CYP19A1: variants seen among roughly 807,000 people sequenced by gnomAD.
The protein encoded by CYP19A1 is cytochrome P450 family 19 subfamily A member 1.
In CYP19A1, 32 loss-of-function variants were observed where a neutral mutation model predicts 44.4. The observed-to-expected ratio is 0.72, with a 90% CI of 0.54 to 0.97. CYP19A1 has a LOEUF of 0.97. Among genes scored for constraint, CYP19A1 ranks in the 50% least tolerant of loss-of-function variants. The pLI, the probability that CYP19A1 is intolerant of heterozygous loss-of-function variation, is 0.00. For synonymous variants in CYP19A1, 212 were observed against 215.6 expected (o/e 0.98, Z 0.14); for missense variants, 598 against 637.8 (o/e 0.94, Z 0.67).
At chr15:51,220,839 G>T (rs2032006757) in intron 5 of CYP19A1, among the ~76,000 whole-genome samples, 1 of 151,918 alleles carries the variant, frequency 6.6e-6, no homozygotes, top group Non-Finnish European at 1.5e-5. Flanking sequence ...TCTTCTATCT[G>T]CCTGTATTTT....
At chr15:51,267,364 G>A (rs2034959705) in intron 1 of CYP19A1, among the ~76,000 whole-genome samples, 1 of 152,154 alleles carries the variant, frequency 6.6e-6, no homozygotes, top group Admixed American at 6.5e-5. Flanking sequence ...GCAGGAAAAA[G>A]CCTTTCCCTT....
chr15:51,333,632 T>G (rs768100047), intron 1 of CYP19A1, among the ~76,000 whole-genome samples: 37 of 152,216 alleles, frequency 2.4e-4, no homozygotes, highest in Non-Finnish European at 4.7e-4. Context: ...TTGGCCCTGG[T>G]GGAGGTCAGA....
chr15:51,221,955 G>A (rs2141060551), intron 5 of CYP19A1: 1 of 272,652 alleles, frequency 3.7e-6, no homozygotes. Flanking sequence ...GTGTATATAT[G>A]TGTGGGTATG....
At chr15:51,212,679 T>C in intron 8 of CYP19A1, 118 bp from the exon 9 acceptor site, 1 of 720,042 alleles carries the variant, frequency 1.4e-6, no homozygotes, top group Non-Finnish European at 2.5e-6. Context: ...AAATTGTGGC[T>C]CTAATTCTAA....
rs183575304 is a variant in CYP19A1 at position 51,208,899 on chromosome 15, A to C, written c.*1909T>G. The C allele has an allele frequency of 6.6e-6, 1 of 152,200 alleles. No homozygotes were observed. Among genetic ancestry groups the C allele is most frequent in the East Asian group, 1.9e-4 (1 of 5,176 alleles). The allele number at this position is 152,200 out of a possible 1,614,324, so 9.4% of individuals were successfully genotyped here. On this transcript the variant is annotated 3_prime_UTR_variant, in exon 10 of 10. Coordinates refer to ENST00000396402, the MANE Select transcript of CYP19A1 (RefSeq NM_000103.4). ...GGCTTCATATATACAGATAAAATACACATAAATGTCCCAAGAGTATTGGAT... is the reference window on the plus strand; with the variant it reads ...GGCTTCATATATACAGATAAAATACCCATAAATGTCCCAAGAGTATTGGAT...
Position 51,293,897 on chromosome 15 carries a change from C to T in CYP19A1, c.-39+44598G>A, listed in dbSNP as rs184405020. The T allele has an allele frequency of 6.0e-3, 1,273 of 211,366 alleles. 16 individuals are homozygous for T. Among genetic ancestry groups the T allele is most frequent in the African/African-American group, 0.029 (1,206 of 42,144 alleles). The allele number at this position is 211,366 out of a possible 1,614,324, so 13.1% of individuals were successfully genotyped here. On this transcript the variant is annotated intron_variant, in intron 1 of 9. Transcript: ENST00000396402. ...AGGCTGGGGTGCAGTGGCGTAATCT[C>T]GGCTGGCTACAACCTCCACCTCCCA...
At chr15:51,280,926 G>A (rs116964788) in intron 1 of CYP19A1, among the ~76,000 whole-genome samples, 3,945 of 152,234 alleles carry the variant, frequency 0.026, 149 homozygotes, top group Admixed American at 0.12. Context: ...TCTCAGGAAT[G>A]GGAAGACAGC....
chr15:51,309,495 A>G (rs189325104), intron 1 of CYP19A1, among the ~76,000 whole-genome samples: 2 of 152,310 alleles, frequency 1.3e-5, no homozygotes, highest in Admixed American at 6.5e-5. Context: ...TAAAAGTGCT[A>G]TCTGAACACT....
Position 51,212,189 on chromosome 15 carries a change from T to C in CYP19A1, c.1263+131A>G. ...GCTCCAAGCTAGGGGACGTGTGTGC[T>C]CCTGGTGAGGTGGCAGAGGGAATGA... is the stretch of plus-strand genomic sequence containing the variant. On this transcript the variant is annotated intron_variant, in intron 9 of 9. Transcript: ENST00000396402. 3 of 781,640 alleles carry C rather than the reference T, an allele frequency of 3.8e-6. No homozygotes were observed. In the Admixed American group the frequency reaches 5.2e-5, roughly 13 times the overall value. The allele number at this position is 781,640 out of a possible 1,614,324, so 48.4% of individuals were successfully genotyped here. A position where few individuals can be genotyped will look rare whatever the true frequency, so the allele number is the denominator to read the frequency against.
rs780643255 is a variant in CYP19A1, at chr15:51,211,069, TCAGA to T, written c.1264-17_1264-14del. 1.2e-5 allele frequency: 18 copies of T among 1,557,644 alleles called. No homozygotes were observed. The highest frequency in any genetic ancestry group is 1.6e-5 in the Non-Finnish European group (18 of 1,128,816). Reference sequence around the variant, plus strand: ...ACCTATAAGGAACCTATGAAAATGATCAGACAGTTAGCCAGAATATTAAAGGCTA... The same window carrying T: ...ACCTATAAGGAACCTATGAAAATGATCAGTTAGCCAGAATATTAAAGGCTA... On this transcript the variant is annotated splice_polypyrimidine_tract_variant and intron_variant, in intron 9 of 9. Transcript: ENST00000396402.
intron 1 of CYP19A1, among the ~76,000 whole-genome samples, chr15:51,314,433 T>C (rs1306682751): frequency 6.6e-6 from 1 of 152,148 alleles, no homozygotes; most frequent in African/African-American, 2.4e-5. Flanking sequence ...GGTTCCTACA[T>C]AGGTGGCCCG....
intron 1 of CYP19A1, among the ~76,000 whole-genome samples, chr15:51,301,782 A>C (rs909590101): frequency 3.3e-5 from 5 of 152,242 alleles, no homozygotes; most frequent in Non-Finnish European, 7.3e-5. Flanking sequence ...AATCCTCGGA[A>C]AATACTGGTT....
chr15:51,325,237 T>G (rs1438362437), intron 1 of CYP19A1, among the ~76,000 whole-genome samples: 1 of 152,034 alleles, frequency 6.6e-6, no homozygotes, highest in Non-Finnish European at 1.5e-5. Flanking sequence ...TGCTACAGGG[T>G]GAAGCCCTTA....
At chr15:51,249,478 A>G (rs1472163729) in intron 1 of CYP19A1, among the ~76,000 whole-genome samples, 1 of 152,144 alleles carries the variant, frequency 6.6e-6, no homozygotes, top group Non-Finnish European at 1.5e-5. Flanking sequence ...TTGGACTACT[A>G]CTGCTTTTGA....
chr15:51,296,197 C>T (rs1378998975), intron 1 of CYP19A1, among the ~76,000 whole-genome samples: 4 of 151,852 alleles, frequency 2.6e-5, no homozygotes, highest in African/African-American at 7.3e-5. Context: ...GGGACAGACA[C>T]GGGAGTTTCA....
chr15:51,249,049 C>T (rs964507789), intron 1 of CYP19A1, among the ~76,000 whole-genome samples: 1 of 151,958 alleles, frequency 6.6e-6, no homozygotes, highest in Admixed American at 6.6e-5. Flanking sequence ...AAACGATTCT[C>T]CTGCCTCGGC....
intron 1 of CYP19A1, among the ~76,000 whole-genome samples, chr15:51,303,948 A>T (rs1037376869): frequency 6.6e-6 from 1 of 152,222 alleles, no homozygotes; most frequent in Non-Finnish European, 1.5e-5. Context: ...AGGATGCAGC[A>T]GGGTGTTCAA....
chr15:51,227,046 A>C (rs1019213419), intron 4 of CYP19A1, among the ~76,000 whole-genome samples: 5 of 152,182 alleles, frequency 3.3e-5, no homozygotes, highest in Admixed American at 6.5e-5. Flanking sequence ...TAAATCAAAC[A>C]TATGGGTGAC....
At chr15:51,265,598 T>C (rs1395339001) in intron 1 of CYP19A1, among the ~76,000 whole-genome samples, 2 of 152,164 alleles carry the variant, frequency 1.3e-5, no homozygotes, top group Non-Finnish European at 2.9e-5. Flanking sequence ...ATTCACCCAC[T>C]CGACCTGCTC....
Sources: gnomAD v4.1 joint callset for allele counts (sites outside exome capture counted in the v4.1 genomes callset) on GRCh38, gnomAD v4.1.1 for gene constraint, MANE v1.5 for transcripts, NCBI Gene and HGNC (gene_info 2026-07-23, HGNC 2026-07-21) for gene names.